The following RSRC1 variants were observed in gnomAD, a reference collection of about 807,000 sequenced individuals.
The protein encoded by RSRC1 is serine/Arginine-related protein 53.
In RSRC1, 39 loss-of-function variants were observed where a neutral mutation model predicts 49.1. The observed-to-expected ratio is 0.79, with a 90% CI of 0.61 to 1.04. RSRC1 has a LOEUF of 1.04. Among genes scored for constraint, RSRC1 ranks in the 50% least tolerant of loss-of-function variants. The pLI, the probability that RSRC1 is intolerant of heterozygous loss-of-function variation, is 0.00. For missense variants in RSRC1, 388 were observed against 402.4 expected (o/e 0.96, Z 0.31); for synonymous variants, 143 against 130.8 (o/e 1.09, Z -0.63).
chr3:158,537,618 C>A (rs1712787697), intron 8 of RSRC1, among the ~76,000 whole-genome samples: 1 of 151,600 alleles, frequency 6.6e-6, no homozygotes, highest in Admixed American at 6.6e-5. Context: ...TATCTTCATT[C>A]TTTGCCCAGA....
chr3:158,264,975 G>T (rs944560539), intron 4 of RSRC1, among the ~76,000 whole-genome samples: 1 of 152,108 alleles, frequency 6.6e-6, no homozygotes, highest in Non-Finnish European at 1.5e-5. Flanking sequence ...CTGACTATTT[G>T]AAGATTGCCC....
intron 4 of RSRC1, among the ~76,000 whole-genome samples, chr3:158,229,260 A>C (rs1271561222): frequency 7.2e-6 from 1 of 138,850 alleles, no homozygotes; most frequent in Non-Finnish European, 1.6e-5. Flanking sequence ...ACATACATGT[A>C]TATGTGTATG....
At chr3:158,301,417 G>A (rs1477184642) in intron 5 of RSRC1, among the ~76,000 whole-genome samples, 1 of 152,082 alleles carries the variant, frequency 6.6e-6, no homozygotes, top group Non-Finnish European at 1.5e-5. Context: ...TTTATCAGGA[G>A]TAAGGACTCA....
intron 6 of RSRC1, among the ~76,000 whole-genome samples, chr3:158,406,723 C>T (rs1264495075): frequency 6.6e-6 from 1 of 152,090 alleles, no homozygotes; most frequent in Non-Finnish European, 1.5e-5. Flanking sequence ...TTAGAATCAT[C>T]TCTTTTGCTT....
chr3:158,525,324 C>T (rs1711942644), intron 7 of RSRC1, among the ~76,000 whole-genome samples: 1 of 151,882 alleles, frequency 6.6e-6, no homozygotes, highest in African/African-American at 2.4e-5. Context: ...CATTAGTCAT[C>T]AGAGAAATGC....
At chr3:158,336,772 TG>T (rs1163948408) in intron 5 of RSRC1, 2 of 152,262 alleles carry the variant, frequency 1.3e-5, no homozygotes, top group African/African-American at 4.8e-5. Flanking sequence ...TAGTGGTCTC[TG>T]CTTCAGTAGT....
intron 3 of RSRC1, among the ~76,000 whole-genome samples, chr3:158,127,650 C>G (rs1456558054): frequency 6.7e-6 from 1 of 149,296 alleles, no homozygotes; most frequent in Non-Finnish European, 1.5e-5. Flanking sequence ...GTTTTTATTT[C>G]TTTGTCAGGT....
intron 7 of RSRC1, among the ~76,000 whole-genome samples, chr3:158,471,031 G>T (rs1483519561): frequency 3.3e-5 from 5 of 152,204 alleles, no homozygotes; most frequent in Non-Finnish European, 7.3e-5. Context: ...TTGGACTAGA[G>T]CCCAGGCTTT....
At chr3:158,411,469 G>T (rs1734461989) in intron 6 of RSRC1, among the ~76,000 whole-genome samples, 1 of 151,536 alleles carries the variant, frequency 6.6e-6, no homozygotes, top group Non-Finnish European at 1.5e-5. Context: ...AATATTTCTA[G>T]ACTTTTTTAT....
At chr3:158,419,617 G>T (rs925778272) in intron 6 of RSRC1, among the ~76,000 whole-genome samples, 1 of 151,910 alleles carries the variant, frequency 6.6e-6, no homozygotes, top group Non-Finnish European at 1.5e-5. Context: ...TTGAAGATTT[G>T]AAGCAATTAC....
At chr3:158,507,124 A>G (rs1175716651) in intron 7 of RSRC1, among the ~76,000 whole-genome samples, 1 of 152,048 alleles carries the variant, frequency 6.6e-6, no homozygotes, top group Admixed American at 6.6e-5. Flanking sequence ...ATTAAGTTAA[A>G]TAAAATAAGC....
intron 5 of RSRC1, among the ~76,000 whole-genome samples, chr3:158,337,692 A>T (rs1729996872): frequency 1.3e-5 from 2 of 152,104 alleles, no homozygotes; most frequent in Non-Finnish European, 2.9e-5. Context: ...TACCTCCATT[A>T]TGTTAAGTCC....
intron 5 of RSRC1, among the ~76,000 whole-genome samples, chr3:158,330,597 A>C (rs921188019): frequency 9.2e-5 from 14 of 152,146 alleles, no homozygotes; most frequent in African/African-American, 3.1e-4. Flanking sequence ...CTAGTTCTTT[A>C]TTGTTGGATA....
chr3:158,198,743 C>T (rs1344076488), intron 3 of RSRC1, among the ~76,000 whole-genome samples: 1 of 152,140 alleles, frequency 6.6e-6, no homozygotes, highest in Non-Finnish European at 1.5e-5. Context: ...AATCACCCAT[C>T]TTCTGCGTCA....
intron 4 of RSRC1, among the ~76,000 whole-genome samples, chr3:158,251,715 G>T (rs1232956896): frequency 6.6e-6 from 1 of 152,100 alleles, no homozygotes; most frequent in Non-Finnish European, 1.5e-5. Context: ...TAGTTTTTTG[G>T]TGGAGTCTTT....
intron 3 of RSRC1, among the ~76,000 whole-genome samples, chr3:158,184,391 A>G (rs1319478616): frequency 6.6e-6 from 1 of 152,182 alleles, no homozygotes; most frequent in African/African-American, 2.4e-5. Context: ...GTCCCTGAGC[A>G]TATAACACAG....
At chr3:158,367,009 G>A (rs1731804904) in intron 6 of RSRC1, among the ~76,000 whole-genome samples, 1 of 152,168 alleles carries the variant, frequency 6.6e-6, no homozygotes, top group South Asian at 2.1e-4. Flanking sequence ...CTGAGACTTT[G>A]CTGAAGTTGT....
intron 4 of RSRC1, among the ~76,000 whole-genome samples, chr3:158,251,449 A>G (rs1724204737): frequency 6.6e-6 from 1 of 152,120 alleles, no homozygotes; most frequent in Admixed American, 6.5e-5. Context: ...CAATCCATAA[A>G]CATGAAATAT....
At chr3:158,148,494 T>C (rs1285472268) in intron 3 of RSRC1, among the ~76,000 whole-genome samples, 1 of 152,074 alleles carries the variant, frequency 6.6e-6, no homozygotes, top group Non-Finnish European at 1.5e-5. Flanking sequence ...TTTCAATCCC[T>C]TTTTCATGAC....
Sources: allele counts gnomAD v4.1 joint callset (sites outside exome capture counted in the v4.1 genomes callset), GRCh38; gene constraint gnomAD v4.1.1; transcripts MANE v1.5; gene names NCBI Gene and HGNC (gene_info 2026-07-23, HGNC 2026-07-21).